The following SOX6 variants were observed in gnomAD, a reference collection of about 807,000 sequenced individuals.
SOX6 encodes the protein transcription factor SOX-6.
Under a neutral mutation model 97.8 loss-of-function variants are expected in SOX6, and 11 were observed. The observed-to-expected ratio is 0.11, with a 90% CI of 0.07 to 0.19. The LOEUF is 0.19. Among genes scored for constraint, SOX6 ranks in the 10% least tolerant of loss-of-function variants. The probability of loss-of-function intolerance (pLI) is 1.00; values close to 1 mark genes in which losing one functional copy is unlikely to be tolerated. For missense variants in SOX6, 810 were observed against 1,039.5 expected (o/e 0.78, Z 3.04); for synonymous variants, 360 against 371.4 (o/e 0.97, Z 0.35).
At chr11:16,701,214 C>G (rs918284614) in intron 3 of SOX6, among the ~76,000 whole-genome samples, 4 of 152,110 alleles carry the variant, frequency 2.6e-5, no homozygotes, top group Non-Finnish European at 5.9e-5. Context: ...ACATAAAAAG[C>G]GTGGACTCAG....
At chr11:16,726,339 C>T (rs1193586697) in intron 2 of SOX6, among the ~76,000 whole-genome samples, 2 of 152,186 alleles carry the variant, frequency 1.3e-5, no homozygotes, top group African/African-American at 4.8e-5. Context: ...ATCGCTTGAA[C>T]CCAGGAGGCA....
intron 2 of SOX6, among the ~76,000 whole-genome samples, chr11:16,719,002 GAGAC>G (rs941010791): frequency 1.1e-3 from 164 of 146,852 alleles, no homozygotes; most frequent in Non-Finnish European, 7.9e-4. Flanking sequence ...AAAAAAGAGA[GAGAC>G]AGAGAAATCC....
intron 4 of SOX6, among the ~76,000 whole-genome samples, chr11:16,225,640 T>C (rs936325666): frequency 2.0e-5 from 3 of 152,174 alleles, no homozygotes; most frequent in African/African-American, 7.2e-5. Context: ...ACTAATTCTA[T>C]GGGAATGCTG....
In SOX6 at chr11:16,505,987, A is replaced by G. The variant is rs544326059; in HGVS notation, n.610-29599T>C. The stretch of plus-strand genomic sequence containing the variant: ...TGCTGCAGGTTCAGAGCATTCATGG[A>G]GAACCTCTACTAGGGCAGCATGGAT... On this transcript the variant is annotated intron_variant and non_coding_transcript_variant, in intron 4 of 5. Transcript: ENST00000524520. Among the ~76,000 whole-genome samples, 258 of 152,348 alleles carry G rather than the reference A, an allele frequency of 1.7e-3. 1 individual carries two copies. The highest frequency in any genetic ancestry group is 2.8e-3 in the Non-Finnish European group (189 of 68,034).
chr11:16,472,642 A>T (rs1860158444), intron 1 of SOX6, among the ~76,000 whole-genome samples: 2 of 152,130 alleles, frequency 1.3e-5, no homozygotes, highest in African/African-American at 4.8e-5. Context: ...AATACATAAA[A>T]TGTATTAAAC....
chr11:16,456,089 T>C (rs1859805519), intron 1 of SOX6, among the ~76,000 whole-genome samples: 1 of 152,116 alleles, frequency 6.6e-6, no homozygotes, highest in Non-Finnish European at 1.5e-5. Flanking sequence ...TTTTATTTCA[T>C]AACACATAGT....
chr11:16,638,037 T>C (rs1848819034), intron 3 of SOX6, among the ~76,000 whole-genome samples: 1 of 150,476 alleles, frequency 6.6e-6, no homozygotes, highest in African/African-American at 2.4e-5. Context: ...ACATTAGGTA[T>C]ATCTCCTAAT....
At chr11:16,678,204 G>C (rs1179235199) in intron 3 of SOX6, among the ~76,000 whole-genome samples, 2 of 151,864 alleles carry the variant, frequency 1.3e-5, no homozygotes, top group Non-Finnish European at 2.9e-5. Flanking sequence ...GGTTTAGTTT[G>C]CTTGTCTTTC....
intron 4 of SOX6, among the ~76,000 whole-genome samples, chr11:16,522,711 T>G (rs982062350): frequency 6.6e-6 from 1 of 152,114 alleles, no homozygotes; most frequent in African/African-American, 2.4e-5. Context: ...TCAAGACCCA[T>G]CAGTGTGCTG....
Position 16,610,022 on chromosome 11 carries a change from G to T in SOX6, n.609+2059C>A, listed in dbSNP as rs555346514. On this transcript the variant is annotated intron_variant and non_coding_transcript_variant, in intron 4 of 5. Coordinates refer to the SOX6 transcript ENST00000524520. The surrounding 1 kb of genome is among the most constrained non-coding windows in gnomAD (Gnocchi z 4.4). ...GGCCAGGGCTCCCAGAACTGCCTGCGGGCCCCTTGACCTCTAAGGCCCAAG... is the reference window on the plus strand; with the variant it reads ...GGCCAGGGCTCCCAGAACTGCCTGCTGGCCCCTTGACCTCTAAGGCCCAAG... Among the ~76,000 whole-genome samples the T allele has an allele frequency of 1.3e-5, 2 of 152,142 alleles. No individual in the cohort carries two copies. Among genetic ancestry groups the T allele is most frequent in the African/African-American group, 4.8e-5 (2 of 41,416 alleles).
intron 6 of SOX6, among the ~76,000 whole-genome samples, chr11:16,147,049 C>T (rs1265125233): frequency 6.6e-6 from 1 of 152,184 alleles, no homozygotes; most frequent in Non-Finnish European, 1.5e-5. Flanking sequence ...AAGACACATG[C>T]ACACGTATGT....
intron 6 of SOX6, among the ~76,000 whole-genome samples, chr11:16,168,779 T>C (rs1002960508): frequency 1.3e-5 from 2 of 152,162 alleles, no homozygotes; most frequent in Admixed American, 6.5e-5. Context: ...GAAATAGGCA[T>C]GCAGGTGGAA....
In SOX6 at chr11:16,633,878, T is replaced by C. The variant is rs557864527; in HGVS notation, n.430-21618A>G. ...CTCAGTTTAAATCTAACCAAGCTAATTGCCTTATAAAATAAAAACATCAGC... is the reference window on the plus strand; with the variant it reads ...CTCAGTTTAAATCTAACCAAGCTAACTGCCTTATAAAATAAAAACATCAGC... On this transcript the variant is annotated intron_variant and non_coding_transcript_variant, in intron 3 of 5. Transcript: ENST00000524520. 1.4e-4 allele frequency among the ~76,000 whole-genome samples: 22 copies of C among 152,328 alleles called. No homozygotes were observed. In the South Asian group the frequency reaches 3.7e-3, roughly 26 times the overall value.
intron 9 of SOX6, among the ~76,000 whole-genome samples, chr11:16,070,363 T>C (rs886389342): frequency 1.3e-5 from 2 of 151,800 alleles, no homozygotes; most frequent in African/African-American, 2.4e-5. Flanking sequence ...GTCCTACCCT[T>C]ACACTAAGAA....
chr11:16,239,365 G>A (rs1853117207), intron 3 of SOX6, among the ~76,000 whole-genome samples: 1 of 151,970 alleles, frequency 6.6e-6, no homozygotes, highest in Admixed American at 6.6e-5. Context: ...AAGAACAAGG[G>A]AGTATAAATA....
intron 1 of SOX6, among the ~76,000 whole-genome samples, chr11:16,373,827 GGAAGGAAGGAAGGAAGGAAGGAAGGA>G (rs1857561510): frequency 7.7e-5 from 1 of 12,944 alleles, no homozygotes; most frequent in Non-Finnish European, 1.4e-4. Flanking sequence ...GAGAGAGGAA[GGAAGGAAGGAAGGAAGGAAGGAAGGA>G]AGGAAGGAAG....
chr11:16,643,493 C>T (rs922843202), intron 3 of SOX6, among the ~76,000 whole-genome samples: 6 of 152,230 alleles, frequency 3.9e-5, no homozygotes, highest in Non-Finnish European at 7.3e-5. Context: ...TTTTGTTTGG[C>T]TATGCCCTGC....
intron 4 of SOX6, among the ~76,000 whole-genome samples, chr11:16,564,573 A>T (rs779834221): frequency 7.2e-5 from 11 of 152,140 alleles, no homozygotes; most frequent in Non-Finnish European, 1.3e-4. Context: ...CATAAAACAA[A>T]ACTCAACAAA....
chr11:16,662,699 C>A (rs1378900271), intron 3 of SOX6, among the ~76,000 whole-genome samples: 1 of 152,014 alleles, frequency 6.6e-6, no homozygotes, highest in African/African-American at 2.4e-5. Flanking sequence ...TTTTAAAAAA[C>A]TTTTTTTCTT....
Sources: gnomAD v4.1 joint callset for allele counts (sites outside exome capture counted in the v4.1 genomes callset) on GRCh38, gnomAD v4.1.1 for gene constraint, Gnocchi (gnomAD v3.1) non-coding constraint, MANE v1.5 for transcripts, NCBI Gene and HGNC (gene_info 2026-07-23, HGNC 2026-07-21) for gene names.